FTO: variants seen among roughly 807,000 people sequenced by gnomAD.
FTO encodes alpha-ketoglutarate-dependent dioxygenase FTO.
A neutral mutation model predicts 63.9 loss-of-function variants in FTO; 47 were observed. The observed-to-expected ratio is 0.74, with a 90% CI of 0.58 to 0.94. FTO has a LOEUF of 0.94. FTO is among the 40% of genes least tolerant of loss of function. FTO has a pLI of 0.00. For synonymous variants in FTO, 207 were observed against 224.4 expected, an observed-to-expected ratio of 0.92 and a Z score of 0.69; for missense variants, 562 against 618.1, an observed-to-expected ratio of 0.91 and a Z score of 0.96.
At chr16:53,991,687 A>C (rs541239069) in intron 8 of FTO, 29 of 152,282 alleles carry the variant, frequency 1.9e-4, no homozygotes, top group African/African-American at 7.0e-4. Context: ...GATCACCTGT[A>C]GGCTTTTCTT....
intron 3 of FTO, among the ~76,000 whole-genome samples, chr16:53,834,724 C>G (rs2151797133): frequency 6.6e-6 from 1 of 152,206 alleles, no homozygotes; most frequent in African/African-American, 2.4e-5. Flanking sequence ...AGTTTTTACA[C>G]CTTTTCTTCC....
upstream of FTO, chr16:53,703,975 A>T (rs749670451): frequency 4.4e-4 from 281 of 645,254 alleles, no homozygotes; most frequent in Non-Finnish European, 7.2e-4. Context: ...ACGCTCTTCC[A>T]GCTGTCGGAC....
At chr16:53,808,585 T>G (rs2078432873) in intron 1 of FTO, among the ~76,000 whole-genome samples, 1 of 152,180 alleles carries the variant, frequency 6.6e-6, no homozygotes, top group Non-Finnish European at 1.5e-5. Flanking sequence ...AAAGGAAGTT[T>G]CCTCTGACTA....
At chr16:53,898,678 GTGT>G (rs1446028557) in intron 7 of FTO, among the ~76,000 whole-genome samples, 2 of 152,092 alleles carry the variant, frequency 1.3e-5, no homozygotes, top group South Asian at 2.1e-4. Flanking sequence ...ATGTTGATCA[GTGT>G]GGCCTTAAAT....
chr16:53,719,989 A>G (rs912017334), intron 1 of FTO, among the ~76,000 whole-genome samples: 1 of 152,044 alleles, frequency 6.6e-6, no homozygotes, highest in African/African-American at 2.4e-5. Context: ...CACAATAGGT[A>G]CTGAACTAAT....
At chr16:54,094,230 T>C (rs1290042950) in intron 8 of FTO, among the ~76,000 whole-genome samples, 1 of 152,232 alleles carries the variant, frequency 6.6e-6, no homozygotes, top group Non-Finnish European at 1.5e-5. Flanking sequence ...TGATGATTAA[T>C]TAATAAGTCC....
chr16:54,011,364 T>C (rs1044765858), intron 8 of FTO, among the ~76,000 whole-genome samples: 11 of 152,172 alleles, frequency 7.2e-5, no homozygotes, highest in Non-Finnish European at 1.6e-4. Flanking sequence ...GATTTGAGAT[T>C]TGGAGAGGGC....
At chr16:53,817,592 A>G (rs1323175206) in intron 2 of FTO, among the ~76,000 whole-genome samples, 1 of 151,902 alleles carries the variant, frequency 6.6e-6, no homozygotes, top group Non-Finnish European at 1.5e-5. Flanking sequence ...TTTTCTCTCT[A>G]CCCAAGGTTG....
intron 2 of FTO, among the ~76,000 whole-genome samples, chr16:53,818,397 C>G (rs2078759507): frequency 6.6e-6 from 1 of 151,906 alleles, no homozygotes; most frequent in South Asian, 2.1e-4. Flanking sequence ...TTAAATAGTA[C>G]CAGAAGTTCT....
At chr16:54,035,553 A>G (rs860713) in intron 8 of FTO, among the ~76,000 whole-genome samples, 77,590 of 151,962 alleles carry the variant, frequency 0.51, 21,522 homozygotes, top group African/African-American at 0.72. Flanking sequence ...GCTTGGAGGA[A>G]CTCATTGACA....
chr16:53,863,949 A>G (rs150964380), intron 4 of FTO, among the ~76,000 whole-genome samples: 135 of 152,286 alleles, frequency 8.9e-4, no homozygotes, highest in African/African-American at 3.1e-3. Context: ...TTTCTCTAAT[A>G]TATAGTGCCA....
chr16:53,926,126 A>G (rs1031293267), intron 7 of FTO, among the ~76,000 whole-genome samples: 2 of 152,174 alleles, frequency 1.3e-5, no homozygotes, highest in Non-Finnish European at 2.9e-5. Context: ...TCTTCCTCCT[A>G]TACATAACCT....
At chr16:54,057,757 T>C (rs1322694479) in intron 8 of FTO, among the ~76,000 whole-genome samples, 1 of 152,120 alleles carries the variant, frequency 6.6e-6, no homozygotes, top group Non-Finnish European at 1.5e-5. Context: ...TCGCCCGATA[T>C]ATAAATGCAA....
At chr16:53,903,263 T>TC (rs1461331734) in intron 7 of FTO, among the ~76,000 whole-genome samples, 3 of 151,974 alleles carry the variant, frequency 2.0e-5, no homozygotes, top group Non-Finnish European at 2.9e-5. Flanking sequence ...CTAGTTTTTT[T>TC]TTTTTTTTTC....
In FTO at chr16:53,783,604, T is replaced by TATCAAAAAAAAAA. The variant is rs397716766; in HGVS notation, c.46-26535_46-26534insTCAAAAAAAAAAA. Among the ~76,000 whole-genome samples, 71 of 68,066 alleles carry TATCAAAAAAAAAA rather than the reference T, an allele frequency of 1.0e-3. 7 individuals carry two copies. Among genetic ancestry groups the TATCAAAAAAAAAA allele is most frequent in the African/African-American group, 1.4e-3 (24 of 16,850 alleles). The allele number at this position is 68,066 out of a possible 152,430, so 44.7% of individuals were successfully genotyped here. A position where few individuals can be genotyped will look rare whatever the true frequency, so the allele number is the denominator to read the frequency against. Reference sequence around the variant, plus strand: ...GCCTGGGTGACAGAGCAAGACTCCATAAAAAAAAAAAAAAAAAAAAAAAGT... The same window carrying TATCAAAAAAAAAA: ...GCCTGGGTGACAGAGCAAGACTCCATATCAAAAAAAAAAAAAAAAAAAAAAAAAAAAAAAAAGT... On this transcript the variant is annotated intron_variant, in intron 1 of 8. Transcript: ENST00000471389.
At chr16:53,992,327 C>T (rs1450475713) in intron 8 of FTO, 19 of 152,156 alleles carry the variant, frequency 1.2e-4, no homozygotes, top group Non-Finnish European at 4.4e-5. Context: ...TCTTTGCCAC[C>T]CCGCTCCTGA....
intron 3 of FTO, among the ~76,000 whole-genome samples, chr16:53,842,101 A>G (rs1156655465): frequency 6.6e-6 from 1 of 152,202 alleles, no homozygotes; most frequent in Non-Finnish European, 1.5e-5. Flanking sequence ...GTGAACTAAA[A>G]GAACATTTTG....
At chr16:53,987,631 C>A (rs1416089251) in intron 8 of FTO, among the ~76,000 whole-genome samples, 1 of 151,572 alleles carries the variant, frequency 6.6e-6, no homozygotes, top group Non-Finnish European at 1.5e-5. Flanking sequence ...ATGGCTTCCC[C>A]CCATTCTATG....
At chr16:53,785,770 C>T (rs376704865) in intron 1 of FTO, among the ~76,000 whole-genome samples, 31 of 151,996 alleles carry the variant, frequency 2.0e-4, no homozygotes, top group South Asian at 1.0e-3. Context: ...ATTAGCTGGG[C>T]GTGGTGACAT....
Sources: gnomAD v4.1 joint callset for allele counts (sites outside exome capture counted in the v4.1 genomes callset) on GRCh38, gnomAD v4.1.1 for gene constraint, MANE v1.5 for transcripts, NCBI Gene and HGNC (gene_info 2026-07-23, HGNC 2026-07-21) for gene names.